Variants in UMAD1 observed in about 807,000 individuals in gnomAD.
UMAD1 encodes the protein UBAP1-MVB12-associated (UMA)-domain containing protein 1.
Under a neutral mutation model 6.1 loss-of-function variants are expected in UMAD1, and 8 were observed. The observed-to-expected ratio is 1.30, with a 90% CI of 0.76 to 2.35. The LOEUF is 2.35. Among genes scored for constraint, UMAD1 ranks in the 30% most tolerant of loss-of-function variants. The probability of loss-of-function intolerance (pLI) is 0.00; values close to 1 mark genes in which losing one functional copy is unlikely to be tolerated. For missense variants in UMAD1, 130 were observed against 78.4 expected, an observed-to-expected ratio of 1.66 and a Z score of -2.49; for synonymous variants, 56 against 31.4, an observed-to-expected ratio of 1.78 and a Z score of -2.61.
intron 2 of UMAD1, among the ~76,000 whole-genome samples, chr7:7,720,308 C>T (rs1332666618): frequency 1.3e-5 from 2 of 152,148 alleles, no homozygotes; most frequent in African/African-American, 4.8e-5. Context: ...TGGTGGCACT[C>T]ACAGTTGGTA....
intron 2 of UMAD1, among the ~76,000 whole-genome samples, chr7:7,774,367 C>G (rs886562728): frequency 2.6e-5 from 4 of 152,146 alleles, no homozygotes; most frequent in East Asian, 3.8e-4. Context: ...ATGCTAATTA[C>G]TAGAATCAGA....
intron 2 of UMAD1, among the ~76,000 whole-genome samples, chr7:7,763,345 G>A (rs1297447302): frequency 6.6e-6 from 1 of 152,000 alleles, no homozygotes; most frequent in African/African-American, 2.4e-5. Context: ...TAAGGTTTGG[G>A]GTATGGATCC....
chr7:7,865,248 G>T (rs956271443), intron 3 of UMAD1, among the ~76,000 whole-genome samples: 11 of 152,210 alleles, frequency 7.2e-5, no homozygotes. Context: ...TGAAATGGGC[G>T]CAGCCTTGTG....
At chr7:7,692,735 G>C (rs761532988) in intron 2 of UMAD1, among the ~76,000 whole-genome samples, 4 of 151,936 alleles carry the variant, frequency 2.6e-5, no homozygotes, top group Admixed American at 6.6e-5. Context: ...TCAGCCTCCC[G>C]AGTAGTTGGG....
chr7:7,682,326 A>G (rs891847406), intron 2 of UMAD1, among the ~76,000 whole-genome samples: 4 of 151,972 alleles, frequency 2.6e-5, no homozygotes, highest in South Asian at 2.1e-4. Context: ...TCCAGTCTCA[A>G]TGATCAGTCA....
intron 2 of UMAD1, among the ~76,000 whole-genome samples, chr7:7,769,306 T>G (rs545815687): frequency 1.3e-5 from 2 of 152,292 alleles, no homozygotes; most frequent in East Asian, 3.9e-4. Flanking sequence ...TCAAAAATAA[T>G]TGCCCTTTAA....
At chr7:7,723,294 T>TAG (rs1226495629) in intron 2 of UMAD1, among the ~76,000 whole-genome samples, 1 of 152,100 alleles carries the variant, frequency 6.6e-6, no homozygotes, top group Non-Finnish European at 1.5e-5. Flanking sequence ...GGAAGGAACA[T>TAG]AGAGTTAGAT....
chr7:7,762,048 A>G (rs1425248669), intron 2 of UMAD1, among the ~76,000 whole-genome samples: 1 of 152,202 alleles, frequency 6.6e-6, no homozygotes, highest in Non-Finnish European at 1.5e-5. Flanking sequence ...GTTAGGGACT[A>G]AGGGCGTGCC....
chr7:7,750,227 C>T (rs990470674), intron 2 of UMAD1, among the ~76,000 whole-genome samples: 1 of 152,020 alleles, frequency 6.6e-6, no homozygotes, highest in Non-Finnish European at 1.5e-5. Context: ...TACCCATTTG[C>T]CCAAATCTGG....
chr7:7,722,155 CTCTA>C (rs201602203), intron 2 of UMAD1, among the ~76,000 whole-genome samples: 13,149 of 142,608 alleles, frequency 0.092, 643 homozygotes, highest in Middle Eastern at 0.12. Flanking sequence ...CTCTCTCTCT[CTCTA>C]TATATATATA....
At chr7:7,810,248 A>G (rs745531763) in intron 3 of UMAD1, among the ~76,000 whole-genome samples, 95 of 152,198 alleles carry the variant, frequency 6.2e-4, no homozygotes, top group Non-Finnish European at 1.1e-3. Flanking sequence ...GGATATTGCT[A>G]TTGAAGGCAG....
chr7:7,658,566 A>C (rs1179235071), intron 1 of UMAD1, among the ~76,000 whole-genome samples: 3 of 152,218 alleles, frequency 2.0e-5, no homozygotes, highest in African/African-American at 7.2e-5. Flanking sequence ...CTATTGAGAT[A>C]GTCATGTGGT....
intron 3 of UMAD1, among the ~76,000 whole-genome samples, chr7:7,857,498 T>C (rs529484957): frequency 6.6e-6 from 1 of 152,354 alleles, no homozygotes; most frequent in South Asian, 2.1e-4. Context: ...TTGAATGCAG[T>C]CAGTCCCTGT....
intron 2 of UMAD1, among the ~76,000 whole-genome samples, chr7:7,766,667 T>C (rs1781990218): frequency 6.6e-6 from 1 of 152,210 alleles, no homozygotes; most frequent in Admixed American, 6.5e-5. Context: ...ATGTTGAAGA[T>C]AGCACTTCAT....
chr7:7,850,520 A>G (rs576483371), intron 3 of UMAD1, among the ~76,000 whole-genome samples: 160 of 152,212 alleles, frequency 1.1e-3, no homozygotes, highest in African/African-American at 3.6e-3. Flanking sequence ...TTTCTTGGCA[A>G]CAAAGAAAAC....
intron 2 of UMAD1, among the ~76,000 whole-genome samples, chr7:7,710,398 A>C (rs550055525): frequency 6.6e-6 from 1 of 152,340 alleles, no homozygotes; most frequent in Non-Finnish European, 1.5e-5. Flanking sequence ...CAAATTAGAA[A>C]ATGGGCAAAA....
chr7:7,669,832 C>G (rs149714135), intron 1 of UMAD1, among the ~76,000 whole-genome samples: 178 of 152,260 alleles, frequency 1.2e-3, no homozygotes, highest in African/African-American at 3.9e-3. Flanking sequence ...ATTCTCAGTT[C>G]TTTTCTATAG....
intron 2 of UMAD1, among the ~76,000 whole-genome samples, chr7:7,725,273 G>T (rs774841906): frequency 5.3e-5 from 8 of 152,212 alleles, no homozygotes; most frequent in Admixed American, 4.6e-4. Flanking sequence ...CGAGTGATCC[G>T]AAAGGCTGCC....
At chr7:7,796,793 C>T (rs976358235) in intron 2 of UMAD1, among the ~76,000 whole-genome samples, 3 of 152,130 alleles carry the variant, frequency 2.0e-5, no homozygotes, top group African/African-American at 7.2e-5. Context: ...TCTTCATCTC[C>T]CTGCCCCATG....
Sources: gnomAD v4.1 joint callset for allele counts (sites outside exome capture counted in the v4.1 genomes callset) on GRCh38, gnomAD v4.1.1 for gene constraint, MANE v1.5 for transcripts, NCBI Gene and HGNC (gene_info 2026-07-23, HGNC 2026-07-21) for gene names.